ZFPM2: variants seen among roughly 807,000 people sequenced by gnomAD.
The protein encoded by ZFPM2 is zinc finger protein ZFPM2.
ZFPM2 carries 20 observed loss-of-function variants against 98.6 expected under a neutral mutation model. The observed-to-expected ratio is 0.20, with a 90% CI of 0.14 to 0.29. The LOEUF (loss-of-function observed/expected upper bound fraction) is 0.29. ZFPM2 is among the 10% of genes least tolerant of loss of function. The pLI is 1.00. For missense variants in ZFPM2, 1,310 were observed against 1,388.6 expected, an observed-to-expected ratio of 0.94 and a Z score of 0.90; for synonymous variants, 518 against 502.7, an observed-to-expected ratio of 1.03 and a Z score of -0.41.
chr8:105,629,815 GT>G (rs1356870326), intron 4 of ZFPM2, among the ~76,000 whole-genome samples: 1 of 152,100 alleles, frequency 6.6e-6, no homozygotes, highest in Non-Finnish European at 1.5e-5. Context: ...ATCTTTAAAG[GT>G]AGCAAAAGCA....
At chr8:105,485,529 GAA>G (rs1813214883) in intron 3 of ZFPM2, among the ~76,000 whole-genome samples, 1 of 152,052 alleles carries the variant, frequency 6.6e-6, no homozygotes, top group Non-Finnish European at 1.5e-5. Context: ...ATAAAAGAAA[GAA>G]AGAAATATTG....
chr8:105,467,144 T>G (rs1812810527), intron 3 of ZFPM2, among the ~76,000 whole-genome samples: 2 of 152,058 alleles, frequency 1.3e-5, no homozygotes, highest in African/African-American at 4.8e-5. Context: ...CTCTTAACAT[T>G]GAAGACAGAT....
chr8:105,453,002 C>A (rs1479721153), intron 3 of ZFPM2, among the ~76,000 whole-genome samples: 2 of 151,888 alleles, frequency 1.3e-5, no homozygotes, highest in Non-Finnish European at 1.5e-5. Context: ...AAGTAAAGAT[C>A]AACACGATAT....
At chr8:105,613,724 C>A (rs1816356246) in intron 4 of ZFPM2, among the ~76,000 whole-genome samples, 1 of 152,028 alleles carries the variant, frequency 6.6e-6, no homozygotes. Context: ...GTTTAAGACT[C>A]TGTTATGAAG....
At chr8:105,596,957 T>C (rs1191840384) in intron 4 of ZFPM2, among the ~76,000 whole-genome samples, 3 of 151,634 alleles carry the variant, frequency 2.0e-5, no homozygotes, top group Non-Finnish European at 4.4e-5. Flanking sequence ...ATGCTGTTGT[T>C]TTTTGTAAAG....
intron 5 of ZFPM2, among the ~76,000 whole-genome samples, chr8:105,685,528 A>T (rs1282495788): frequency 6.6e-6 from 1 of 151,958 alleles, no homozygotes; most frequent in Admixed American, 6.6e-5. Context: ...CTTTTTTTTT[A>T]AACACAAGTG....
intron 1 of ZFPM2, among the ~76,000 whole-genome samples, chr8:105,400,466 A>G (rs920283185): frequency 1.1e-4 from 17 of 151,922 alleles, no homozygotes; most frequent in Non-Finnish European, 2.2e-4. Context: ...TCCTGTGTCC[A>G]TGTGATCTCA....
chr8:105,647,991 C>A (rs1817085395), intron 5 of ZFPM2, among the ~76,000 whole-genome samples: 1 of 152,200 alleles, frequency 6.6e-6, no homozygotes, highest in Non-Finnish European at 1.5e-5. Flanking sequence ...TAGAGTCCCA[C>A]CAACAGTGTA....
intron 1 of ZFPM2, among the ~76,000 whole-genome samples, chr8:105,362,731 C>T (rs1384617465): frequency 6.6e-6 from 1 of 152,096 alleles, no homozygotes; most frequent in African/African-American, 2.4e-5. Flanking sequence ...TTGGAAGTAG[C>T]AGCTTTGTGA....
At chr8:105,343,950 TCA>T (rs1435806637) in intron 1 of ZFPM2, among the ~76,000 whole-genome samples, 2 of 152,122 alleles carry the variant, frequency 1.3e-5, no homozygotes, top group Non-Finnish European at 1.5e-5. Flanking sequence ...TTTAATGGAC[TCA>T]CAGTTCCACA....
chr8:105,467,950 C>T (rs1812824682), intron 3 of ZFPM2, among the ~76,000 whole-genome samples: 1 of 151,946 alleles, frequency 6.6e-6, no homozygotes, highest in Non-Finnish European at 1.5e-5. Context: ...TCAAACTTTT[C>T]TGACTTTATT....
chr8:105,563,240 A>G (rs1193368602), intron 4 of ZFPM2, among the ~76,000 whole-genome samples: 1 of 152,332 alleles, frequency 6.6e-6, no homozygotes, highest in South Asian at 2.1e-4. Context: ...AAAGAAATTG[A>G]TACATGTGGA....
chr8:105,595,983 C>A (rs1815961061), intron 4 of ZFPM2, among the ~76,000 whole-genome samples: 1 of 146,806 alleles, frequency 6.8e-6, no homozygotes. Context: ...GCAAAATTAT[C>A]TGAAATTCTC....
intron 5 of ZFPM2, among the ~76,000 whole-genome samples, chr8:105,731,779 T>C (rs1811945444): frequency 6.6e-6 from 1 of 151,790 alleles, no homozygotes; most frequent in African/African-American, 2.4e-5. Flanking sequence ...AAAATCACTT[T>C]GCATGTTTGT....
At chr8:105,664,431 T>C (rs745967929) in intron 5 of ZFPM2, among the ~76,000 whole-genome samples, 11 of 151,312 alleles carry the variant, frequency 7.3e-5, no homozygotes, top group Admixed American at 6.6e-5. Context: ...TGCCTCCGGG[T>C]TCAAGCGATT....
At chr8:105,475,320 A>C (rs1169108802) in intron 3 of ZFPM2, among the ~76,000 whole-genome samples, 1 of 152,312 alleles carries the variant, frequency 6.6e-6, no homozygotes, top group South Asian at 2.1e-4. Context: ...TGACATCTCA[A>C]CCAACGATTC....
At chr8:105,601,885 C>T (rs1408288804) in intron 4 of ZFPM2, among the ~76,000 whole-genome samples, 1 of 152,082 alleles carries the variant, frequency 6.6e-6, no homozygotes, top group African/African-American at 2.4e-5. Context: ...ATTAGAATTG[C>T]AGAGTATTTT....
At chr8:105,532,344 C>T (rs766202059) in intron 3 of ZFPM2, among the ~76,000 whole-genome samples, 13 of 152,104 alleles carry the variant, frequency 8.5e-5, no homozygotes, top group Non-Finnish European at 1.9e-4. Flanking sequence ...TTTCAAATAT[C>T]TCTAGATAAA....
intron 3 of ZFPM2, among the ~76,000 whole-genome samples, chr8:105,541,861 A>T (rs1464840383): frequency 6.6e-6 from 1 of 152,184 alleles, no homozygotes; most frequent in African/African-American, 2.4e-5. Context: ...GGAACAGATG[A>T]GAAAATGGAC....
Sources: gnomAD v4.1 joint callset for allele counts (sites outside exome capture counted in the v4.1 genomes callset) on GRCh38, gnomAD v4.1.1 for gene constraint, MANE v1.5 for transcripts, NCBI Gene and HGNC (gene_info 2026-07-23, HGNC 2026-07-21) for gene names.